UBE2H: variants seen among roughly 807,000 people sequenced by gnomAD.
UBE2H encodes the protein ubiquitin conjugating enzyme E2 H.
Under a neutral mutation model 29.0 loss-of-function variants are expected in UBE2H, and 3 were observed. That is an observed-to-expected ratio of 0.10 (90% CI 0.05 to 0.27). UBE2H has a LOEUF of 0.27. Ranked by LOEUF, UBE2H falls within the 10% of genes least tolerant of loss-of-function variation. The probability of loss-of-function intolerance (pLI) is 1.00; values close to 1 mark genes in which losing one functional copy is unlikely to be tolerated. For synonymous variants in UBE2H, 69 were observed against 82.9 expected (o/e 0.83, Z 0.91); for missense variants, 68 against 228.2 (o/e 0.30, Z 4.52).
intron 1 of UBE2H, among the ~76,000 whole-genome samples, chr7:129,911,563 T>G (rs896467758): frequency 2.6e-5 from 4 of 152,042 alleles, no homozygotes; most frequent in East Asian, 1.9e-4. Flanking sequence ...CTTGGAGAGA[T>G]ATTTGGAAGG....
At chr7:129,891,745 G>T (rs946497278) in intron 1 of UBE2H, among the ~76,000 whole-genome samples, 1 of 151,014 alleles carries the variant, frequency 6.6e-6, no homozygotes, top group Non-Finnish European at 1.5e-5. Context: ...AGATTGCAGT[G>T]AGCCGAGATC....
At chr7:129,887,221 T>A (rs1806381387) in intron 1 of UBE2H, among the ~76,000 whole-genome samples, 2 of 144,408 alleles carry the variant, frequency 1.4e-5, no homozygotes, top group East Asian at 4.3e-4. Context: ...TCTTGAACTT[T>A]TTTTTTTTTT....
chr7:129,937,211 C>A (rs1807548786), intron 1 of UBE2H, among the ~76,000 whole-genome samples: 3 of 151,848 alleles, frequency 2.0e-5, no homozygotes, highest in African/African-American at 7.3e-5. Context: ...CACCTGTAGC[C>A]CCAGCTACTC....
At chr7:129,835,174 G>A in intron 6 of UBE2H, 113 bp from the exon 7 acceptor site, 1 of 1,443,958 alleles carries the variant, frequency 6.9e-7, no homozygotes, top group Admixed American at 1.9e-5. Flanking sequence ...GAACACCAGG[G>A]GGGACAAAGA....
At chr7:129,844,428 C>A (rs1348109669) in intron 5 of UBE2H, among the ~76,000 whole-genome samples, 1 of 152,182 alleles carries the variant, frequency 6.6e-6, no homozygotes, top group Non-Finnish European at 1.5e-5. Context: ...AATAAAGATA[C>A]TCATCTGTAG....
At chr7:129,938,605 C>T (rs1204870864) in intron 1 of UBE2H, among the ~76,000 whole-genome samples, 2 of 14,588 alleles carry the variant, frequency 1.4e-4, no homozygotes, top group African/African-American at 1.6e-4. Context: ...CCCAGCTACT[C>T]GATAGGCTGA....
Position 129,924,677 on chromosome 7 carries a change from A to G in UBE2H, c.53+27826T>C, listed in dbSNP as rs1223907791. Among the ~76,000 whole-genome samples, 3 of 151,826 alleles carry G rather than the reference A, an allele frequency of 2.0e-5. No homozygotes were observed. In the East Asian group the frequency reaches 5.8e-4, roughly 29 times the overall value. On this transcript the variant is annotated intron_variant, in intron 1 of 6. Transcript: ENST00000355621. Reference sequence around the variant, plus strand: ...AATAAGAGTTGCATGTATAATGTCTACATATAAAATCAGAATATTCAAGTT... The same window carrying G: ...AATAAGAGTTGCATGTATAATGTCTGCATATAAAATCAGAATATTCAAGTT...
intron 1 of UBE2H, among the ~76,000 whole-genome samples, chr7:129,934,837 T>C (rs1297938382): frequency 6.6e-6 from 1 of 151,068 alleles, no homozygotes; most frequent in Non-Finnish European, 1.5e-5. Context: ...GAGGCCAAGG[T>C]AGCCAGATCA....
Position 129,880,990 on chromosome 7 carries a change from G to C in UBE2H, c.54-19C>G, listed in dbSNP as rs779360145. 1 of 1,607,090 alleles carries C rather than the reference G, an allele frequency of 6.2e-7. No individual in the cohort carries two copies. The highest frequency in any genetic ancestry group is 2.2e-5 in the East Asian group (1 of 44,730). On this transcript the variant is annotated intron_variant, in intron 1 of 6. Transcript: ENST00000355621. ...CTCGATGCTAAGGTGGACGGTAAAG[G>C]AAATTACACAGGCTTTACAGTATCT...
chr7:129,840,133 G>A (rs79441803), intron 5 of UBE2H, among the ~76,000 whole-genome samples: 9,681 of 152,224 alleles, frequency 0.064, 371 homozygotes, highest in Non-Finnish European at 0.091. Context: ...GACCACATAA[G>A]ACTACAAATA....
At chr7:129,923,672 A>G (rs1048895243) in intron 1 of UBE2H, among the ~76,000 whole-genome samples, 1 of 152,226 alleles carries the variant, frequency 6.6e-6, no homozygotes, top group African/African-American at 2.4e-5. Context: ...CCTATTGTTC[A>G]TAATGCCAGG....
chr7:129,905,510 A>G (rs753475817), intron 1 of UBE2H, among the ~76,000 whole-genome samples: 1 of 152,196 alleles, frequency 6.6e-6, no homozygotes, highest in Non-Finnish European at 1.5e-5. Flanking sequence ...AGCTTGGTTC[A>G]TCTGATGCCA....
intron 3 of UBE2H, among the ~76,000 whole-genome samples, chr7:129,874,920 T>C (rs1806116981): frequency 6.6e-6 from 1 of 152,094 alleles, no homozygotes; most frequent in Non-Finnish European, 1.5e-5. Context: ...AAACAGTGTG[T>C]GCACTTATAC....
intron 3 of UBE2H, among the ~76,000 whole-genome samples, chr7:129,869,105 T>A (rs560341472): frequency 6.6e-6 from 1 of 152,134 alleles, no homozygotes; most frequent in Non-Finnish European, 1.5e-5. Flanking sequence ...CCCAGCTAAT[T>A]TTGTATTTTT....
chr7:129,884,862 C>T (rs986602275), intron 1 of UBE2H, among the ~76,000 whole-genome samples: 1 of 152,006 alleles, frequency 6.6e-6, no homozygotes, highest in Non-Finnish European at 1.5e-5. Context: ...GGATTATAGG[C>T]GTGAGCCACC....
At chr7:129,873,425 C>CTTTTTTTTT (rs373132869) in intron 3 of UBE2H, among the ~76,000 whole-genome samples, 6 of 122,970 alleles carry the variant, frequency 4.9e-5, no homozygotes, top group South Asian at 2.7e-4. Flanking sequence ...ACATCAAATT[C>CTTTTTTTTT]TTTTTTTTTT....
chr7:129,909,068 A>T (rs1806876557), intron 1 of UBE2H, among the ~76,000 whole-genome samples: 1 of 152,188 alleles, frequency 6.6e-6, no homozygotes, highest in Non-Finnish European at 1.5e-5. Flanking sequence ...TGCTTTTACT[A>T]AAAAAAGTAA....
chr7:129,835,512 C>A (rs541809213), intron 6 of UBE2H, among the ~76,000 whole-genome samples: 31 of 152,238 alleles, frequency 2.0e-4, no homozygotes, highest in African/African-American at 7.2e-4. Context: ...TTTTAGGAAT[C>A]GATTTTAGTC....
chr7:129,866,996 TCTTA>T (rs1415045426), intron 3 of UBE2H, among the ~76,000 whole-genome samples: 4 of 152,254 alleles, frequency 2.6e-5, no homozygotes, highest in Non-Finnish European at 4.4e-5. Flanking sequence ...AGTAATTTCA[TCTTA>T]CTGTCTTCAT....
Sources: allele counts gnomAD v4.1 joint callset (sites outside exome capture counted in the v4.1 genomes callset), GRCh38; gene constraint gnomAD v4.1.1; transcripts MANE v1.5; gene names NCBI Gene and HGNC (gene_info 2026-07-23, HGNC 2026-07-21).